Variants in CLASP1 observed in about 807,000 individuals in gnomAD.
CLASP1 encodes the protein CLIP-associating protein 1.
CLASP1 carries 38 observed loss-of-function variants against 192.3 expected under a neutral mutation model. The ratio of observed to expected loss-of-function variants is 0.20; its 90% CI spans 0.15 to 0.26. The LOEUF is 0.26. Among genes scored for constraint, CLASP1 ranks in the 10% least tolerant of loss-of-function variants. The pLI is 1.00. For missense variants in CLASP1, 1,433 were observed against 1,932.5 expected, an observed-to-expected ratio of 0.74 and a Z score of 4.85; for synonymous variants, 691 against 712.8, an observed-to-expected ratio of 0.97 and a Z score of 0.49.
intron 34 of CLASP1, among the ~76,000 whole-genome samples, chr2:121,371,773 C>T (rs1028022133): frequency 1.3e-5 from 2 of 152,328 alleles, no homozygotes; most frequent in Non-Finnish European, 2.9e-5. Flanking sequence ...CACGTCCCCA[C>T]GTCCTGAAGG....
At chr2:121,404,320 GCA>G (rs1269012552) in intron 26 of CLASP1, 49 bp downstream of exon 27, 2 of 1,595,014 alleles carry the variant, frequency 1.3e-6, no homozygotes, top group East Asian at 4.5e-5. Flanking sequence ...ATCACACAGA[GCA>G]CACAGACATG....
At chr2:121,478,771 C>CCCA (rs2092090511) in intron 8 of CLASP1, among the ~76,000 whole-genome samples, 1 of 44,234 alleles carries the variant, frequency 2.3e-5, no homozygotes, top group African/African-American at 7.5e-5. Context: ...ACCACACACC[C>CCCA]CACACACACA....
intron 1 of CLASP1, among the ~76,000 whole-genome samples, chr2:121,631,365 G>A (rs2069621102): frequency 1.5e-5 from 2 of 134,886 alleles, no homozygotes; most frequent in Non-Finnish European, 3.1e-5. Context: ...TTGGCTCACT[G>A]CAACTTCCGC....
At chr2:121,339,699 C>T (rs767147195) in exon 40 of CLASP1, 10 of 152,188 alleles carry the variant, frequency 6.6e-5, no homozygotes, top group Non-Finnish European at 1.5e-4. Flanking sequence ...CAATCTGCTA[C>T]ACCTCATAAT....
intron 7 of CLASP1, among the ~76,000 whole-genome samples, chr2:121,504,278 T>C (rs545468385): frequency 2.0e-5 from 3 of 152,134 alleles, no homozygotes; most frequent in Non-Finnish European, 4.4e-5. Flanking sequence ...ACAGGTATAC[T>C]GGAGTAAGTG....
At chr2:121,397,194 A>G in exon 30 of CLASP1, 1 of 1,613,948 alleles carries the variant, frequency 6.2e-7, no homozygotes, top group Non-Finnish European at 8.5e-7. Flanking sequence ...TTCTAGAAAC[A>G]GCAAGCCTTG....
At chr2:121,470,576 C>G (rs1157616226) in intron 8 of CLASP1, 1 of 423,698 alleles carries the variant, frequency 2.4e-6, no homozygotes, top group African/African-American at 2.1e-5. Flanking sequence ...GTGAAACACT[C>G]TTATTGTTAG....
intron 19 of CLASP1, among the ~76,000 whole-genome samples, chr2:121,432,521 A>G (rs143431181): frequency 8.5e-4 from 129 of 152,348 alleles, no homozygotes; most frequent in African/African-American, 3.0e-3. Context: ...TGCAGACACA[A>G]TAACAACGCC....
chr2:121,356,933 GTGTCCTGC>G (rs1160961711), intron 37 of CLASP1, among the ~76,000 whole-genome samples: 1 of 145,072 alleles, frequency 6.9e-6, no homozygotes, highest in Non-Finnish European at 1.5e-5. Context: ...AGGAGGTGGT[GTGTCCTGC>G]TGTCCTGGAG....
chr2:121,616,879 T>C (rs1040391392), intron 1 of CLASP1, among the ~76,000 whole-genome samples: 3 of 152,104 alleles, frequency 2.0e-5, no homozygotes, highest in African/African-American at 4.8e-5. Flanking sequence ...TCACAAAACT[T>C]TGTAGAGACT....
At chr2:121,356,643 T>A (rs781693141) in intron 37 of CLASP1, among the ~76,000 whole-genome samples, 5 of 152,246 alleles carry the variant, frequency 3.3e-5, no homozygotes, top group Non-Finnish European at 4.4e-5. Flanking sequence ...AATCTTATCA[T>A]CCAACTCTAC....
intron 2 of CLASP1, among the ~76,000 whole-genome samples, chr2:121,577,128 G>C (rs573751985): frequency 4.0e-4 from 61 of 152,146 alleles, no homozygotes; most frequent in African/African-American, 1.4e-3. Flanking sequence ...AGGGAAGACA[G>C]ATGAAACAAA....
At chr2:121,603,306 A>G (rs2105892542) in intron 2 of CLASP1, 1 of 152,310 alleles carries the variant, frequency 6.6e-6, no homozygotes, top group Non-Finnish European at 1.5e-5. Flanking sequence ...ACCAATGGCC[A>G]ACAAATATAT....
At chr2:121,443,016 C>T (rs1213373430) in intron 19 of CLASP1, among the ~76,000 whole-genome samples, 2 of 152,146 alleles carry the variant, frequency 1.3e-5, no homozygotes, top group South Asian at 4.1e-4. Flanking sequence ...ACTGCTGAAA[C>T]CAACAGAACA....
intron 2 of CLASP1, among the ~76,000 whole-genome samples, chr2:121,554,909 ATC>A (rs2058397758): frequency 6.6e-6 from 1 of 152,172 alleles, no homozygotes; most frequent in Non-Finnish European, 1.5e-5. Flanking sequence ...GAAAAGCAAA[ATC>A]TGTTAGTAGG....
At chr2:121,387,338 AGGATGG>A in intron 31 of CLASP1, 110 bp from the exon 33 acceptor site, 3 of 788,880 alleles carry the variant, frequency 3.8e-6, no homozygotes, top group Non-Finnish European at 5.7e-6. Flanking sequence ...GAATCTGCCC[AGGATGG>A]TTTTTTTTTT....
At chr2:121,440,217 T>C (rs1417980686) in intron 19 of CLASP1, among the ~76,000 whole-genome samples, 1 of 152,136 alleles carries the variant, frequency 6.6e-6, no homozygotes, top group Non-Finnish European at 1.5e-5. Flanking sequence ...AACACAGCTA[T>C]ACAGCTTAAA....
intron 1 of CLASP1, among the ~76,000 whole-genome samples, chr2:121,615,332 T>C (rs1298089991): frequency 6.7e-6 from 1 of 150,034 alleles, no homozygotes; most frequent in African/African-American, 2.5e-5. Flanking sequence ...GGAATGAGAC[T>C]CCATCTCAAA....
At chr2:121,453,177 C>T (rs1325832524) in intron 14 of CLASP1, among the ~76,000 whole-genome samples, 2 of 152,158 alleles carry the variant, frequency 1.3e-5, no homozygotes, top group Non-Finnish European at 2.9e-5. Context: ...CTAATAAAGT[C>T]CTAGCTATTT....
Sources: allele counts gnomAD v4.1 joint callset (sites outside exome capture counted in the v4.1 genomes callset), GRCh38; gene constraint gnomAD v4.1.1; transcripts MANE v1.5; gene names NCBI Gene and HGNC (gene_info 2026-07-23, HGNC 2026-07-21).